The following CUX1 variants were observed in gnomAD, a reference collection of about 807,000 sequenced individuals.
CUX1 encodes protein CASP.
A neutral mutation model predicts 158.8 loss-of-function variants in CUX1; 31 were observed. The observed-to-expected ratio is 0.20, with a 90% CI of 0.15 to 0.26. The LOEUF (loss-of-function observed/expected upper bound fraction) is 0.26, where lower values mean the gene tolerates loss of function less well. CUX1 is among the 10% of genes least tolerant of loss of function. The pLI is 1.00. For missense variants in CUX1, 1,589 were observed against 2,014.6 expected, an observed-to-expected ratio of 0.79 and a Z score of 4.04; for synonymous variants, 879 against 862.1, an observed-to-expected ratio of 1.02 and a Z score of -0.34.
chr7:101,970,595 GC>G (rs1293980387), intron 2 of CUX1, among the ~76,000 whole-genome samples: 1 of 151,860 alleles, frequency 6.6e-6, no homozygotes, highest in Non-Finnish European at 1.5e-5. Context: ...CCATTCAGTC[GC>G]CCAGGCTGGA....
chr7:101,982,828 C>T (rs1032830862), intron 2 of CUX1, among the ~76,000 whole-genome samples: 6 of 151,404 alleles, frequency 4.0e-5, no homozygotes, highest in Admixed American at 6.6e-5. Flanking sequence ...CCCATTAACT[C>T]GTCATTTACA....
chr7:101,817,011 C>T, upstream of CUX1: 2 of 984,400 alleles, frequency 2.0e-6, no homozygotes, highest in Non-Finnish European at 2.4e-6. The surrounding 1 kb of genome is among the most constrained non-coding windows in gnomAD (Gnocchi z 4.1). Context: ...GTGTCGGTGA[C>T]GCGGACCTGT....
intron 1 of CUX1, among the ~76,000 whole-genome samples, chr7:101,831,355 A>G (rs542683786): frequency 2.0e-5 from 3 of 151,900 alleles, no homozygotes; most frequent in East Asian, 1.9e-4. Flanking sequence ...CAGTGGTGCA[A>G]TCTCGGCTCA....
intron 20 of CUX1, among the ~76,000 whole-genome samples, chr7:102,206,712 C>T (rs1347625992): frequency 1.3e-5 from 2 of 152,126 alleles, no homozygotes; most frequent in African/African-American, 4.8e-5. Context: ...GCCTGGCCAA[C>T]GTGGTGAAAC....
chr7:101,977,181 A>G (rs1812817017), intron 2 of CUX1, among the ~76,000 whole-genome samples: 1 of 151,812 alleles, frequency 6.6e-6, no homozygotes, highest in Admixed American at 6.6e-5. Flanking sequence ...CCAAAGTGCT[A>G]GGATTACAGG....
At chr7:102,118,102 T>A (rs1286093309) in intron 8 of CUX1, among the ~76,000 whole-genome samples, 1 of 152,290 alleles carries the variant, frequency 6.6e-6, no homozygotes, top group Non-Finnish European at 1.5e-5. Context: ...CTATTCCGTC[T>A]GCTTCAAGTC....
chr7:102,003,935 G>A (rs530679819), intron 2 of CUX1, among the ~76,000 whole-genome samples: 1 of 152,262 alleles, frequency 6.6e-6, no homozygotes, highest in East Asian at 1.9e-4. Context: ...GAGGCCAGGG[G>A]TTTAGAACCA....
intron 2 of CUX1, among the ~76,000 whole-genome samples, chr7:101,998,067 T>C (rs57969980): frequency 0.041 from 6,180 of 152,256 alleles, 436 homozygotes; most frequent in African/African-American, 0.14. Flanking sequence ...GAACTGTGTA[T>C]CCTGCTGCCC....
In CUX1 at chr7:102,024,429, C is replaced by T. The variant is rs1585316591; in HGVS notation, c.142-3669C>T. 2.6e-5 allele frequency among the ~76,000 whole-genome samples: 4 copies of T among 152,160 alleles called. No individual in the cohort carries two copies. The South Asian group carries it at 6.2e-4, about 24-fold the overall frequency. On this transcript the variant is annotated intron_variant, in intron 2 of 23. Transcript: ENST00000292535. ...GCAGCCTCTGCCTCCGCGGTTTAAGCGATCCTCCCACCTCAGCCTCCTGAG... is the reference window on the plus strand; with the variant it reads ...GCAGCCTCTGCCTCCGCGGTTTAAGTGATCCTCCCACCTCAGCCTCCTGAG...
At chr7:102,141,822 G>C (rs1021952579) in intron 8 of CUX1, among the ~76,000 whole-genome samples, 5 of 81,220 alleles carry the variant, frequency 6.2e-5, no homozygotes, top group Admixed American at 1.5e-4. Flanking sequence ...TGTATTTTTA[G>C]TAGAGACGGG....
chr7:102,237,113 C>T (rs1485123041), intron 22 of CUX1, among the ~76,000 whole-genome samples: 1 of 152,252 alleles, frequency 6.6e-6, no homozygotes, highest in African/African-American at 2.4e-5. Context: ...TTCTCTGGAT[C>T]CAGCAGCTTT....
chr7:102,126,239 A>C (rs1432247080), intron 8 of CUX1, among the ~76,000 whole-genome samples: 2 of 148,248 alleles, frequency 1.3e-5, no homozygotes, highest in African/African-American at 5.0e-5. Flanking sequence ...GGGTTTTATC[A>C]TGTTGGCCAG....
chr7:102,268,869 G>A (rs1554545614), intron 14 of CUX1, among the ~76,000 whole-genome samples: 2 of 151,572 alleles, frequency 1.3e-5, no homozygotes, highest in Non-Finnish European at 2.9e-5. Context: ...ACAGCACCGC[G>A]CCACAAGGGA....
chr7:102,134,871 C>T (rs1317540662), intron 8 of CUX1, among the ~76,000 whole-genome samples: 1 of 152,204 alleles, frequency 6.6e-6, no homozygotes, highest in Admixed American at 6.5e-5. Context: ...TCTGGGATTA[C>T]AGACAGGAGT....
chr7:102,111,043 T>C (rs1830829077), intron 6 of CUX1, among the ~76,000 whole-genome samples: 1 of 152,148 alleles, frequency 6.6e-6, no homozygotes, highest in Non-Finnish European at 1.5e-5. Context: ...AGTTTATTAT[T>C]ATGAGAGCAT....
intron 20 of CUX1, among the ~76,000 whole-genome samples, chr7:102,281,288 T>A (rs532889363): frequency 6.6e-6 from 1 of 152,144 alleles, no homozygotes; most frequent in Non-Finnish European, 1.5e-5. Context: ...GAGGATCACT[T>A]GAGCCTAGGA....
At chr7:102,216,243 A>G (rs1554524487) in intron 20 of CUX1, among the ~76,000 whole-genome samples, 2 of 151,924 alleles carry the variant, frequency 1.3e-5, no homozygotes, top group Non-Finnish European at 2.9e-5. Context: ...ATTGGACCCT[A>G]GGAGGTGGAG....
intron 2 of CUX1, among the ~76,000 whole-genome samples, chr7:101,924,034 T>G (rs1443514883): frequency 6.6e-6 from 1 of 152,192 alleles, no homozygotes; most frequent in Admixed American, 6.5e-5. Context: ...TTGGCTAGAT[T>G]TGTGGATTCC....
At chr7:102,263,629 G>A (rs1790580194) in intron 14 of CUX1, among the ~76,000 whole-genome samples, 1 of 151,546 alleles carries the variant, frequency 6.6e-6, no homozygotes, top group Non-Finnish European at 1.5e-5. Flanking sequence ...AGGGGTTAAA[G>A]TTTTAAATCG....
Sources: gnomAD v4.1 joint callset for allele counts (sites outside exome capture counted in the v4.1 genomes callset) on GRCh38, gnomAD v4.1.1 for gene constraint, Gnocchi (gnomAD v3.1) non-coding constraint, MANE v1.5 for transcripts, NCBI Gene and HGNC (gene_info 2026-07-23, HGNC 2026-07-21) for gene names.